The following ISM2 variants were observed in gnomAD, a reference collection of about 807,000 sequenced individuals.
The protein encoded by ISM2 is isthmin-2.
A neutral mutation model predicts 58.0 loss-of-function variants in ISM2; 50 were observed. That is an observed-to-expected ratio of 0.86 (90% CI 0.69 to 1.09). The LOEUF (loss-of-function observed/expected upper bound fraction) is 1.09, where lower values mean the gene tolerates loss of function less well. Ranked by LOEUF, ISM2 falls within the 50% of genes least tolerant of loss-of-function variation. ISM2 has a pLI of 0.00. For synonymous variants in ISM2, 303 were observed against 312.4 expected (o/e 0.97, Z 0.32); for missense variants, 723 against 745.0 (o/e 0.97, Z 0.34).
In ISM2 at chr14:77,474,953, G is replaced by A. The variant is rs2079087146; in HGVS notation, c.*642C>T. The stretch of plus-strand genomic sequence containing the variant: ...CCTGCCTGGAGTCCACTTCGCCTCA[G>A]CTGGGCTGGCTTGCAGCCCAAGACT... On this transcript the variant is annotated 3_prime_UTR_variant, in exon 7 of 7. Transcript: ENST00000342219. 6.6e-6 allele frequency: 1 copy of A among 152,358 alleles called. No homozygotes were observed. The allele number at this position is 152,358 out of a possible 1,614,324, so 9.4% of individuals were successfully genotyped here.
intron 1 of ISM2, among the ~76,000 whole-genome samples, chr14:77,490,954 G>A (rs2079199684): frequency 6.6e-6 from 1 of 152,250 alleles, no homozygotes; most frequent in East Asian, 1.9e-4. Context: ...TGAGGCCACA[G>A]GCTTGGCACC....
At chr14:77,498,282 G>C (rs1173800909) in intron 1 of ISM2, 1 of 1,321,018 alleles carries the variant, frequency 7.6e-7, no homozygotes, top group South Asian at 1.2e-5. Context: ...CAGATTCCTC[G>C]CACCGGCGGG....
In ISM2 at chr14:77,482,504, T is replaced by C; in HGVS notation, c.791A>G (p.Glu264Gly). Residue 264 changes from glutamate (E) to glycine (G), a missense_variant, in exon 4 of 7, where the codon GAG becomes GGG. Coordinates refer to ENST00000342219, the MANE Select transcript of ISM2 (RefSeq NM_199296.3). Reference sequence around the variant, plus strand: ...GTCTTCCTCCTTTTCCTCCCCCTTCTCCCCTGGGGCCCTGTCTTTTTCCTC... The same window carrying C: ...GTCTTCCTCCTTTTCCTCCCCCTTCCCCCCTGGGGCCCTGTCTTTTTCCTC... ...KGEEKDRAPGEKGEEKEEDED... is the reference protein window; with the variant it reads ...KGEEKDRAPGGKGEEKEEDED... 1 of 1,614,084 alleles carries C rather than the reference T, an allele frequency of 6.2e-7. No homozygotes were observed. The highest frequency in any genetic ancestry group is 8.5e-7 in the Non-Finnish European group (1 of 1,179,990).
chr14:77,497,367 CAAAAA>C (rs35676781), intron 1 of ISM2, among the ~76,000 whole-genome samples: 4 of 64,786 alleles, frequency 6.2e-5, no homozygotes, highest in Middle Eastern at 0.011. Context: ...GGCTCTGTCT[CAAAAA>C]AAAAAAAAAA....
intron 1 of ISM2, among the ~76,000 whole-genome samples, chr14:77,493,853 G>C (rs2079222266): frequency 1.3e-5 from 2 of 151,154 alleles, no homozygotes; most frequent in African/African-American, 4.9e-5. Flanking sequence ...CTCACTGCAA[G>C]CTCGGTCTCC....
chr14:77,475,423 C>T lies in ISM2; in HGVS notation c.*172G>A. ...CCCTTCAACCTTCTCACTAACCCCA[C>T]TGAGATATCTGCTTCGGGGTCGCTG... On this transcript the variant is annotated 3_prime_UTR_variant, in exon 7 of 7. Coordinates refer to ENST00000342219, the MANE Select transcript of ISM2 (RefSeq NM_199296.3). This position sits in a 1 kb window ranked among gnomAD's most constrained non-coding sequence, Gnocchi z 4.1. The T allele has an allele frequency of 1.6e-6, 1 of 607,914 alleles. No homozygotes were observed. The highest frequency in any genetic ancestry group is 2.8e-6 in the Non-Finnish European group (1 of 360,666). The allele number at this position is 607,914 out of a possible 1,614,324, so 37.7% of individuals were successfully genotyped here. A position where few individuals can be genotyped will look rare whatever the true frequency, so the allele number is the denominator to read the frequency against.
chr14:77,482,707 T>C, intron 3 of ISM2, 40 bp from the exon 4 acceptor site: 1 of 1,273,948 alleles, frequency 7.8e-7, no homozygotes, highest in Non-Finnish European at 1.1e-6. Flanking sequence ...AAGGAGGTCT[T>C]AGAGCTGCAT....
intron 4 of ISM2, among the ~76,000 whole-genome samples, chr14:77,479,367 C>A (rs1238961386): frequency 6.7e-6 from 1 of 150,144 alleles, no homozygotes; most frequent in South Asian, 2.1e-4. Flanking sequence ...TACAAGCATG[C>A]GCCACCATGC....
chr14:77,495,762 G>C (rs550583177), intron 1 of ISM2, among the ~76,000 whole-genome samples: 2 of 152,160 alleles, frequency 1.3e-5, no homozygotes, highest in Admixed American at 1.3e-4. Context: ...CCAAAATGAC[G>C]AGGGTGCCGA....
In ISM2 at chr14:77,482,513, G is replaced by A. The variant is rs781763851; in HGVS notation, c.782C>T (p.Ala261Val). 17 of 1,614,128 alleles carry A rather than the reference G, an allele frequency of 1.1e-5. No individual in the cohort carries two copies. The highest frequency in any genetic ancestry group is 3.3e-5 in the Admixed American group (2 of 60,018). Residue 261 changes from alanine (A) to valine (V), a missense_variant, in exon 4 of 7, where the codon GCC (alanine) becomes GTC (valine). By Grantham distance (64) the Ala-to-Val change is moderately conservative (BLOSUM62 0). Coordinates refer to ENST00000342219, the MANE Select transcript of ISM2 (RefSeq NM_199296.3). ...GDYKGEEKDR[A>V]PGEKGEEKEE... ...CTTTTCCTCCCCCTTCTCCCCTGGG[G>A]CCCTGTCTTTTTCCTCTCCTTTGTA...
At chr14:77,493,607 G>A (rs980086386) in intron 1 of ISM2, among the ~76,000 whole-genome samples, 11 of 151,632 alleles carry the variant, frequency 7.3e-5, no homozygotes, top group African/African-American at 1.2e-4. Context: ...GATTATAGGC[G>A]CCCACCACCA....
At chr14:77,493,804 C>T (rs2079221974) in intron 1 of ISM2, among the ~76,000 whole-genome samples, 1 of 151,832 alleles carries the variant, frequency 6.6e-6, no homozygotes, top group Admixed American at 6.6e-5. Context: ...TGGAGTCTCG[C>T]TCTGTCGCTC....
rs770065843 is a variant in ISM2, at chr14:77,482,541, C to G, written c.754G>C (p.Asp252His). The change falls in exon 4 of 7, where the codon GAC becomes CAC. Residue 252 changes from aspartate to histidine, a missense_variant. By Grantham distance (81) the Asp-to-His change is moderately conservative (BLOSUM62 -1). Coordinates refer to ENST00000342219, the MANE Select transcript of ISM2 (RefSeq NM_199296.3). ...LPALWSFLWG[D>H]YKGEEKDRAP... is the part of the protein sequence containing the mutation. Reference sequence around the variant, plus strand: ...CTGTCTTTTTCCTCTCCTTTGTAGTCTCCCCAGAGGAAGGACCAGAGGGCG... The same window carrying G: ...CTGTCTTTTTCCTCTCCTTTGTAGTGTCCCCAGAGGAAGGACCAGAGGGCG... 4 of 1,613,992 alleles carry G rather than the reference C, an allele frequency of 2.5e-6. No homozygotes were observed. The Admixed American group carries it at 5.0e-5, about 20-fold the overall frequency.
chr14:77,483,879 C>T (rs1309868191), intron 3 of ISM2: 2 of 155,134 alleles, frequency 1.3e-5, no homozygotes, highest in East Asian at 1.9e-4. Context: ...AATTTCCTCT[C>T]CTATAAAGCC....
intron 6 of ISM2, among the ~76,000 whole-genome samples, chr14:77,477,738 G>A (rs2079106982): frequency 6.6e-6 from 1 of 152,148 alleles, no homozygotes; most frequent in South Asian, 2.1e-4. Context: ...TTATCTGCAA[G>A]GTTGGTCTCC....
intron 1 of ISM2, among the ~76,000 whole-genome samples, chr14:77,485,701 C>T (rs919824554): frequency 5.3e-5 from 8 of 152,258 alleles, no homozygotes; most frequent in African/African-American, 1.9e-4. Flanking sequence ...GGTCTCTATG[C>T]CAGGGCAAAA....
rs1271419620 is a variant in ISM2, at chr14:77,484,468, C to A, written c.482G>T (p.Cys161Phe). 12 of 1,610,468 alleles carry A rather than the reference C, an allele frequency of 7.5e-6. No individual in the cohort carries two copies. The highest frequency in any genetic ancestry group is 9.3e-6 in the Non-Finnish European group (11 of 1,178,528). ...GGCTGCTGGCTCAGTGACAGTCCAA[C>A]ATCCATGTTGGTGTAGCTCTGCCTG... is the stretch of plus-strand genomic sequence containing the variant. ...HLQAELHQHG[C>F]WTVTEPAALT... Residue 161 changes from cysteine (C) to phenylalanine (F), a missense_variant, in exon 3 of 7, where the codon TGT becomes TTT. Physicochemically the swap from Cys to Phe is radical, Grantham distance 205 (BLOSUM62 -2). Transcript: ENST00000342219.
chr14:77,475,458 A>C lies in ISM2; in HGVS notation c.*137T>G, dbSNP rs2079090230. On this transcript the variant is annotated 3_prime_UTR_variant, in exon 7 of 7. Coordinates refer to ENST00000342219, the MANE Select transcript of ISM2 (RefSeq NM_199296.3). This position sits in a 1 kb window ranked among gnomAD's most constrained non-coding sequence, Gnocchi z 4.1. The stretch of plus-strand genomic sequence containing the variant: ...TGCTTCGGGGTCGCTGGCAGAGGGC[A>C]CACAGCCTCGGACCAACCTCACTGG... 2.3e-6 allele frequency: 2 copies of C among 870,742 alleles called. No homozygotes were observed. The highest frequency in any genetic ancestry group is 3.7e-5 in the South Asian group (2 of 53,580). 53.9% of individuals were successfully genotyped at this position (870,742 alleles called of 1,614,324 possible).
intron 1 of ISM2, among the ~76,000 whole-genome samples, chr14:77,492,288 G>C (rs2079210320): frequency 6.6e-6 from 1 of 152,076 alleles, no homozygotes; most frequent in Non-Finnish European, 1.5e-5. Context: ...GGTGCCCAGG[G>C]GCTCTGGAAT....
Sources: allele counts gnomAD v4.1 joint callset (sites outside exome capture counted in the v4.1 genomes callset), GRCh38; gene constraint gnomAD v4.1.1; non-coding constraint Gnocchi (gnomAD v3.1); transcripts MANE v1.5; gene names NCBI Gene and HGNC (gene_info 2026-07-23, HGNC 2026-07-21).